GLIS3: variants seen among roughly 807,000 people sequenced by gnomAD.
GLIS3 encodes the protein GLIS family zinc finger 3, also known as zinc finger protein GLIS3.
GLIS3 carries 53 observed loss-of-function variants against 78.6 expected under a neutral mutation model. That is an observed-to-expected ratio of 0.67 (90% CI 0.54 to 0.85). The LOEUF is 0.85. GLIS3 is among the 40% of genes least tolerant of loss of function. GLIS3 has a pLI of 0.00. For missense variants in GLIS3, 1,703 were observed against 1,231.1 expected (o/e 1.38, Z -5.74); for synonymous variants, 684 against 509.9 (o/e 1.34, Z -4.60).
At chr9:4,240,927 T>G (rs1823245110) in intron 2 of GLIS3, among the ~76,000 whole-genome samples, 1 of 143,666 alleles carries the variant, frequency 7.0e-6, no homozygotes, top group South Asian at 2.4e-4. Context: ...AAAGAGAACT[T>G]TAGATACTCT....
At chr9:4,091,735 T>C (rs1471196502) in intron 4 of GLIS3, among the ~76,000 whole-genome samples, 2 of 152,156 alleles carry the variant, frequency 1.3e-5, no homozygotes, top group Admixed American at 1.3e-4. Context: ...CCTTCTGCCA[T>C]GATTGTCAGT....
intron 2 of GLIS3, among the ~76,000 whole-genome samples, chr9:4,149,333 C>G (rs1834487461): frequency 6.6e-6 from 1 of 152,180 alleles, no homozygotes; most frequent in Admixed American, 6.5e-5. Context: ...ACCATATTAA[C>G]CTGCTAAGAG....
the GLIS3 span, among the ~76,000 whole-genome samples, chr9:4,471,751 C>T: frequency 6.6e-6 from 1 of 152,138 alleles, no homozygotes; most frequent in Admixed American, 6.5e-5. Context: ...CCAAAATTGA[C>T]AAATGGGATC....
chr9:4,109,195 T>C (rs1831015640), intron 4 of GLIS3, among the ~76,000 whole-genome samples: 1 of 152,232 alleles, frequency 6.6e-6, no homozygotes, highest in Non-Finnish European at 1.5e-5. Context: ...TTGAAAAGGC[T>C]GACAAGCTCA....
rs145632003 is a variant in GLIS3, at chr9:4,260,871, G to C, written c.388+25167C>G. 3.0e-3 allele frequency among the ~76,000 whole-genome samples: 463 copies of C among 152,312 alleles called. 1 individual carries two copies. The highest frequency in any genetic ancestry group is 9.4e-3 in the African/African-American group (389 of 41,566). ...TTTCTCTCCATGTATTACTGCCTAA[G>C]GCTGTACTGTCTAATACGGTAGCCA... On this transcript the variant is annotated intron_variant, in intron 2 of 10. Coordinates refer to ENST00000381971, the MANE Select transcript of GLIS3 (RefSeq NM_001042413.2).
At chr9:3,971,407 C>A (rs944995934) in intron 4 of GLIS3, among the ~76,000 whole-genome samples, 19 of 152,142 alleles carry the variant, frequency 1.2e-4, no homozygotes, top group Admixed American at 1.2e-3. Flanking sequence ...ATTATCTGAT[C>A]CCTATGCAGT....
intron 4 of GLIS3, among the ~76,000 whole-genome samples, chr9:3,938,260 CAT>C (rs1826003637): frequency 1.3e-5 from 2 of 152,094 alleles, no homozygotes; most frequent in South Asian, 4.1e-4. Flanking sequence ...GGAAAAAAAG[CAT>C]AATACATTTA....
chr9:4,425,758 C>A, the GLIS3 span, among the ~76,000 whole-genome samples: 1 of 152,216 alleles, frequency 6.6e-6, no homozygotes, highest in South Asian at 2.1e-4. Flanking sequence ...GACTGCCCAG[C>A]AGGGTAGCCT....
chr9:4,162,399 T>A (rs1165295687), intron 2 of GLIS3, among the ~76,000 whole-genome samples: 1 of 152,210 alleles, frequency 6.6e-6, no homozygotes, highest in Non-Finnish European at 1.5e-5. Context: ...TCTCAGCCAG[T>A]ATCCTTTCAA....
At chr9:4,020,964 G>C (rs1822836867) in intron 4 of GLIS3, among the ~76,000 whole-genome samples, 2 of 152,202 alleles carry the variant, frequency 1.3e-5, no homozygotes, top group East Asian at 3.8e-4. Context: ...CTATGCGCTA[G>C]AGAAAGTAGT....
chr9:4,242,479 C>T (rs572494148), intron 2 of GLIS3, among the ~76,000 whole-genome samples: 4 of 152,170 alleles, frequency 2.6e-5, no homozygotes, highest in Non-Finnish European at 4.4e-5. Context: ...CAAAGCCCCA[C>T]GTTCCACCAA....
chr9:4,454,972 T>A, the GLIS3 span, among the ~76,000 whole-genome samples: 1 of 152,248 alleles, frequency 6.6e-6, no homozygotes, highest in South Asian at 2.1e-4. Flanking sequence ...ATACCATTTA[T>A]CTCCTCAAAA....
At chr9:4,073,799 TTAAA>T (rs1279337217) in intron 4 of GLIS3, among the ~76,000 whole-genome samples, 1 of 151,478 alleles carries the variant, frequency 6.6e-6, no homozygotes, top group East Asian at 1.9e-4. Flanking sequence ...TAGAAATTGT[TTAAA>T]TAAATTATTT....
At chr9:4,456,468 T>C in the GLIS3 span, among the ~76,000 whole-genome samples, 1 of 152,234 alleles carries the variant, frequency 6.6e-6, no homozygotes, top group Non-Finnish European at 1.5e-5. Flanking sequence ...CTATCTAGAC[T>C]ACTAAAACTT....
intron 2 of GLIS3, among the ~76,000 whole-genome samples, chr9:4,330,724 C>T (rs1016597673): frequency 4.4e-5 from 5 of 114,922 alleles, no homozygotes; most frequent in East Asian, 2.6e-4. Flanking sequence ...GAGATTAAGT[C>T]GGAGGCAATA....
At chr9:4,059,642 T>A (rs1826456002) in intron 4 of GLIS3, among the ~76,000 whole-genome samples, 1 of 152,178 alleles carries the variant, frequency 6.6e-6, no homozygotes, top group Admixed American at 6.5e-5. Flanking sequence ...TCCTTATTAT[T>A]CTAAACAGCC....
intron 2 of GLIS3, among the ~76,000 whole-genome samples, chr9:4,335,803 G>A (rs1461184942): frequency 2.0e-5 from 3 of 152,104 alleles, no homozygotes; most frequent in African/African-American, 4.8e-5. Flanking sequence ...ATTGCCCCAG[G>A]GTCCTTCCCC....
intron 2 of GLIS3, among the ~76,000 whole-genome samples, chr9:4,233,365 T>C (rs934400949): frequency 1.3e-5 from 2 of 152,254 alleles, no homozygotes; most frequent in African/African-American, 4.8e-5. Flanking sequence ...TACTCCTTGA[T>C]CCTTGGGCTG....
intron 2 of GLIS3, among the ~76,000 whole-genome samples, chr9:4,322,451 G>C (rs939807797): frequency 6.6e-6 from 1 of 152,148 alleles, no homozygotes; most frequent in Non-Finnish European, 1.5e-5. Flanking sequence ...GGTATTTCTA[G>C]TTCTAGATCC....
Sources: gnomAD v4.1 joint callset for allele counts (sites outside exome capture counted in the v4.1 genomes callset) on GRCh38, gnomAD v4.1.1 for gene constraint, MANE v1.5 for transcripts, NCBI Gene and HGNC (gene_info 2026-07-23, HGNC 2026-07-21) for gene names.